The following COL5A1 variants were observed in gnomAD, a reference collection of about 807,000 sequenced individuals.
COL5A1 encodes the protein collagen alpha-1(V) chain.
In COL5A1, 16 loss-of-function variants were observed where a neutral mutation model predicts 263.7. The observed-to-expected ratio is 0.06, with a 90% CI of 0.04 to 0.09. The LOEUF (loss-of-function observed/expected upper bound fraction) is 0.09, where lower values mean the gene tolerates loss of function less well. Ranked by LOEUF, COL5A1 falls within the 10% of genes least tolerant of loss-of-function variation. The probability of loss-of-function intolerance (pLI) is 1.00; values close to 1 mark genes in which losing one functional copy is unlikely to be tolerated. For synonymous variants in COL5A1, 1,012 were observed against 1,004.5 expected, an observed-to-expected ratio of 1.01 and a Z score of -0.14; for missense variants, 2,036 against 2,540.5, an observed-to-expected ratio of 0.80 and a Z score of 4.27.
chr9:134,738,307 G>T (rs1411206756), intron 9 of COL5A1, among the ~76,000 whole-genome samples, 167 bp from the exon 10 acceptor site: 1 of 152,212 alleles, frequency 6.6e-6, no homozygotes, highest in Non-Finnish European at 1.5e-5. Flanking sequence ...AGCCACTGAG[G>T]CCCCACCACA....
Position 134,812,705 on chromosome 9 carries a change from G to A in COL5A1, c.3845G>A (p.Gly1282Glu). 6.4e-7 allele frequency: 1 copy of A among 1,572,360 alleles called. No individual in the cohort carries two copies. Among genetic ancestry groups the A allele is most frequent in the Non-Finnish European group, 8.6e-7 (1 of 1,157,998 alleles). Residue 1282 changes from glycine to glutamate, a missense_variant, in exon 48 of 66, where the codon GGA becomes GAA. Physicochemically the swap from Gly to Glu is moderately conservative, Grantham distance 98 (BLOSUM62 -2). Around this residue, in one of 3 missense-constraint regions of COL5A1, gnomAD observed 1,078 missense variants for 1,521.4 expected, o/e 0.71. Coordinates refer to ENST00000371817, the MANE Select transcript of COL5A1 (RefSeq NM_000093.5). ...GGAATAGGAAACCCTGGTGCAGTGG[G>A]AGAGAAGGTGAGGCTCGTGCCTGCT... is the stretch of plus-strand genomic sequence containing the variant. ...PGGIGNPGAV[G>E]EKGEPGEAGE... is the part of the protein sequence containing the mutation.
intron 4 of COL5A1, among the ~76,000 whole-genome samples, chr9:134,704,683 C>T (rs1037605719): frequency 3.3e-5 from 5 of 152,150 alleles, no homozygotes; most frequent in African/African-American, 7.2e-5. Flanking sequence ...GTTTTCCTAG[C>T]CCCAGAGTTT....
rs1038712775 is a variant in COL5A1, at chr9:134,739,257, C to T, written c.1494+449C>T. On this transcript the variant is annotated intron_variant, in intron 11 of 65. Transcript: ENST00000371817. ...AGAGGCATCCTCGGGTGTCCCTCGC[C>T]GCGGGAGGAGATGGAGGGAGAGCTG... Among the ~76,000 whole-genome samples, 6 of 152,228 alleles carry T rather than the reference C, an allele frequency of 3.9e-5. No individual in the cohort carries two copies. The South Asian group carries it at 6.2e-4, about 16-fold the overall frequency.
intron 11 of COL5A1, among the ~76,000 whole-genome samples, chr9:134,749,059 A>G (rs992428318): frequency 2.0e-5 from 3 of 152,196 alleles, no homozygotes; most frequent in Non-Finnish European, 4.4e-5. Context: ...CAAGGTGGTG[A>G]AACCCCGTCT....
At chr9:134,746,915 A>G (rs1438853237) in intron 11 of COL5A1, among the ~76,000 whole-genome samples, 1 of 152,244 alleles carries the variant, frequency 6.6e-6, no homozygotes, top group African/African-American at 2.4e-5. Flanking sequence ...GACAACAGCC[A>G]CATCGCTGGC....
chr9:134,664,167 C>T (rs1262668462), intron 1 of COL5A1, among the ~76,000 whole-genome samples: 4 of 152,110 alleles, frequency 2.6e-5, no homozygotes, highest in African/African-American at 9.7e-5. Flanking sequence ...CAGAATCCGT[C>T]TGGGAAAAAA....
chr9:134,794,326 A>G lies in COL5A1; in HGVS notation c.2701-756A>G, dbSNP rs1408609844. On this transcript the variant is annotated intron_variant, in intron 32 of 65. Coordinates refer to ENST00000371817, the MANE Select transcript of COL5A1 (RefSeq NM_000093.5). This position sits in a 1 kb window ranked among gnomAD's most constrained non-coding sequence, Gnocchi z 4.3. ...GCGGCAGAGCAAGACTCTGTCTAAA[A>G]AAAAAAAAAAAGAAACAAAAAAGAA... Among the ~76,000 whole-genome samples the G allele has an allele frequency of 6.6e-6, 1 of 151,470 alleles. No homozygotes were observed. The highest frequency in any genetic ancestry group is 2.4e-5 in the African/African-American group (1 of 41,280).
chr9:134,730,359 T>C lies in COL5A1; in HGVS notation c.1048T>C (p.Ser350Pro), dbSNP rs1588479393. 5 of 1,614,184 alleles carry C rather than the reference T, an allele frequency of 3.1e-6. No individual in the cohort carries two copies. Among genetic ancestry groups the C allele is most frequent in the Non-Finnish European group, 4.2e-6 (5 of 1,180,036 alleles). ...GCCCAGTGAGGACTACTACACGCCC[T>C]CACCGTATGATGACCTCACCTATGG... ...YVPSEDYYTPSPYDDLTYGEG... is the reference protein window; with the variant it reads ...YVPSEDYYTPPPYDDLTYGEG... Residue 350 changes from serine (S) to proline (P), a missense_variant, in exon 7 of 66, where the codon TCA becomes CCA. Physicochemically the swap from Ser to Pro is moderately conservative, Grantham distance 74. Around this residue, in one of 3 missense-constraint regions of COL5A1, gnomAD observed 600 missense variants for 634.5 expected, o/e 0.95. Coordinates refer to ENST00000371817, the MANE Select transcript of COL5A1 (RefSeq NM_000093.5).
intron 36 of COL5A1, 56 bp downstream of exon 36, chr9:134,796,957 TGTCCCCTCCAAA>T (rs1837934496): frequency 1.4e-6 from 2 of 1,426,200 alleles, no homozygotes; most frequent in African/African-American, 2.9e-5. Context: ...AAAACCCACC[TGTCCCCTCCAAA>T]ACCCGCCTGT....
intron 27 of COL5A1, among the ~76,000 whole-genome samples, chr9:134,777,108 CT>C (rs1304879141): frequency 1.3e-5 from 2 of 152,364 alleles, no homozygotes; most frequent in East Asian, 3.9e-4. Context: ...TTTAGCCCAC[CT>C]CCAGGCTTCC....
chr9:134,792,587 A>C (rs3128584), intron 32 of COL5A1, among the ~76,000 whole-genome samples: 75,423 of 151,704 alleles, frequency 0.5, 19,154 homozygotes, highest in Admixed American at 0.56. Context: ...CCAGTTTCGA[A>C]CTCCTGACCT....
chr9:134,674,651 C>T (rs1016624345), intron 1 of COL5A1, among the ~76,000 whole-genome samples: 3 of 152,030 alleles, frequency 2.0e-5, no homozygotes, highest in Non-Finnish European at 2.9e-5. Context: ...TTTGGGAGGC[C>T]GAGGTGGGTG....
At chr9:134,803,808 A>T (rs977255199) in intron 39 of COL5A1, among the ~76,000 whole-genome samples, 43 of 151,958 alleles carry the variant, frequency 2.8e-4, no homozygotes, top group African/African-American at 1.0e-3. Context: ...GCGCCACTGC[A>T]CTCCAGCCTG....
Position 134,730,389 on chromosome 9 carries a change from G to C in COL5A1, c.1078G>C (p.Gly360Arg), listed in dbSNP as rs749016960. 2 of 1,614,084 alleles carry C rather than the reference G, an allele frequency of 1.2e-6. No individual in the cohort carries two copies. Among genetic ancestry groups the C allele is most frequent in the Admixed American group, 1.7e-5 (1 of 60,006 alleles). Reference protein sequence around the residue: ...SPYDDLTYGEGEENPDQPTDP... With the variant: ...SPYDDLTYGEREENPDQPTDP... ...GTATGATGACCTCACCTATGGCGAG[G>C]GGGAGGAGAACCCCGACCAGCCCAC... The change falls in exon 7 of 66, where the codon GGG becomes CGG. Residue 360 changes from glycine to arginine, a missense_variant. By Grantham distance (125) the Gly-to-Arg change is moderately radical. Around this residue, in one of 3 missense-constraint regions of COL5A1, gnomAD observed 600 missense variants for 634.5 expected, o/e 0.95. Coordinates refer to ENST00000371817, the MANE Select transcript of COL5A1 (RefSeq NM_000093.5).
chr9:134,709,284 G>C (rs1394224226), intron 4 of COL5A1: 5 of 292,558 alleles, frequency 1.7e-5, no homozygotes, highest in African/African-American at 4.6e-5. Flanking sequence ...TTCGGGGTGG[G>C]CTGCTGAGCT....
At chr9:134,772,674 C>T in intron 25 of COL5A1, 116 bp from the exon 26 acceptor site, 1 of 1,147,704 alleles carries the variant, frequency 8.7e-7, no homozygotes, top group African/African-American at 1.5e-5. Context: ...TCTCAGTTTT[C>T]CTGGGGAGGA....
rs201910803 is a variant in COL5A1, at chr9:134,691,085, T to C, written c.277+6T>C. 2 of 1,612,736 alleles carry C rather than the reference T, an allele frequency of 1.2e-6. No individual in the cohort carries two copies. Among genetic ancestry groups the C allele is most frequent in the Non-Finnish European group, 1.7e-6 (2 of 1,180,028 alleles). On this transcript the variant is annotated splice_donor_region_variant and intron_variant, in intron 2 of 65. Transcript: ENST00000371817. ...CACCAAGCAGCTGTACCCTGGTAAG[T>C]GCCGCACCCTTCTGTTTGGGGCGGT...
intron 4 of COL5A1, among the ~76,000 whole-genome samples, chr9:134,726,066 T>C (rs1834637887): frequency 6.6e-6 from 1 of 152,244 alleles, no homozygotes; most frequent in Non-Finnish European, 1.5e-5. Flanking sequence ...AGACATCACC[T>C]CTTTAAAAAT....
intron 4 of COL5A1, among the ~76,000 whole-genome samples, chr9:134,717,743 T>A (rs1237877862): frequency 6.6e-6 from 1 of 152,212 alleles, no homozygotes; most frequent in African/African-American, 2.4e-5. Flanking sequence ...AATAGTTATT[T>A]GTGTCTCTCT....
Sources: allele counts gnomAD v4.1 joint callset (sites outside exome capture counted in the v4.1 genomes callset), GRCh38; gene constraint gnomAD v4.1.1; regional missense constraint gnomAD v4.1.1; non-coding constraint Gnocchi (gnomAD v3.1); transcripts MANE v1.5; gene names NCBI Gene and HGNC (gene_info 2026-07-23, HGNC 2026-07-21).